Variants in DNAH3 observed in about 807,000 individuals in gnomAD.
DNAH3 encodes the protein axonemal beta dynein heavy chain 3.
A neutral mutation model predicts 432.5 loss-of-function variants in DNAH3; 332 were observed. The ratio of observed to expected loss-of-function variants is 0.77; its 90% CI spans 0.70 to 0.84. DNAH3 has a LOEUF of 0.84. Ranked by LOEUF, DNAH3 falls within the 40% of genes least tolerant of loss-of-function variation. The pLI is 0.00. For missense variants in DNAH3, 4,861 were observed against 5,114.0 expected (o/e 0.95, Z 1.51); for synonymous variants, 1,956 against 1,900.2 (o/e 1.03, Z -0.76).
rs776151875 is a variant in DNAH3 at position 20,963,784 on chromosome 16, TCAAA to T, written c.10096_10099del (p.Phe3366ArgfsTer11). The T allele has an allele frequency of 9.3e-6, 15 of 1,613,894 alleles. No homozygotes were observed. The highest frequency in any genetic ancestry group is 6.7e-5 in the African/African-American group (5 of 74,882). On this transcript the variant is annotated frameshift_variant, in exon 53 of 62. Coordinates refer to ENST00000261383, the Ensembl canonical transcript of DNAH3. LOFTEE classifies it high-confidence loss of function. The stretch of plus-strand genomic sequence containing the variant: ...GAGAGAGAAGAGTAGCTTGTCCTTC[TCAAA>T]CAGAGAACGGCACACGTTGTTGTAG...
chr16:21,152,828 T>G (rs1383914917), intron 1 of DNAH3, among the ~76,000 whole-genome samples: 4 of 152,256 alleles, frequency 2.6e-5, no homozygotes, highest in Non-Finnish European at 5.9e-5. Context: ...CTTAGCTGCC[T>G]TCCCGCGGGG....
exon 54 of DNAH3, chr16:20,959,204 G>A (rs866712566): frequency 3.1e-6 from 5 of 1,614,154 alleles, no homozygotes; most frequent in Non-Finnish European, 4.2e-6. Context: ...GTGCTCTCAG[G>A]AACAATCACC....
At chr16:21,081,224 G>A (rs1410006253) in intron 20 of DNAH3, among the ~76,000 whole-genome samples, 1 of 151,998 alleles carries the variant, frequency 6.6e-6, no homozygotes, top group Non-Finnish European at 1.5e-5. Context: ...CAGGCGAGAA[G>A]AGACTTCTTA....
chr16:21,019,461 A>G, intron 41 of DNAH3, 163 bp downstream of exon 41: 2 of 815,410 alleles, frequency 2.5e-6, no homozygotes, highest in Non-Finnish European at 3.8e-6. Context: ...CAACCAGCCA[A>G]TGATGATATT....
intron 5 of DNAH3, among the ~76,000 whole-genome samples, chr16:21,137,971 G>C (rs1337758947): frequency 6.6e-6 from 1 of 152,104 alleles, no homozygotes; most frequent in Non-Finnish European, 1.5e-5. Context: ...TTGCTGGCCA[G>C]GCACGGTGGC....
intron 57 of DNAH3, among the ~76,000 whole-genome samples, chr16:20,946,379 A>G (rs1373023434): frequency 6.6e-6 from 1 of 152,144 alleles, no homozygotes. Flanking sequence ...GACTGAACCA[A>G]TGGATATCCT....
chr16:21,030,995 AAG>A (rs778560705), intron 37 of DNAH3, 48 bp downstream of exon 37: 1 of 1,594,210 alleles, frequency 6.3e-7, no homozygotes, highest in South Asian at 1.1e-5. Context: ...ACTTCAATAA[AAG>A]AGTTTATGTC....
intron 11 of DNAH3, among the ~76,000 whole-genome samples, chr16:21,117,852 T>C (rs1178894766): frequency 6.6e-6 from 1 of 152,184 alleles, no homozygotes; most frequent in Non-Finnish European, 1.5e-5. Context: ...ATGAATACTA[T>C]CGTAGTGCTC....
exon 32 of DNAH3, chr16:21,042,147 A>G: frequency 1.2e-6 from 2 of 1,612,984 alleles, no homozygotes; most frequent in South Asian, 2.2e-5. Flanking sequence ...TTAGCTTCCG[A>G]ATGATGGCTT....
chr16:21,097,441 T>A, exon 18 of DNAH3: 1 of 1,614,022 alleles, frequency 6.2e-7, no homozygotes, highest in Non-Finnish European at 8.5e-7. Flanking sequence ...CAGCATGGCC[T>A]GCAGAAGAGG....
chr16:20,951,079 G>T (rs1275610241), intron 56 of DNAH3, among the ~76,000 whole-genome samples: 2 of 152,128 alleles, frequency 1.3e-5, no homozygotes, highest in South Asian at 4.1e-4. Flanking sequence ...CTCCAAAAGT[G>T]CTGGGATTAC....
At chr16:20,987,897 G>A in intron 45 of DNAH3, 45 bp downstream of exon 45, 15 of 1,614,014 alleles carry the variant, frequency 9.3e-6, no homozygotes, top group Non-Finnish European at 1.3e-5. Context: ...GCCAGAAACT[G>A]AGAACCCCCA....
intron 23 of DNAH3, 126 bp from the exon 24 acceptor site, chr16:21,067,545 C>A: frequency 1.1e-6 from 1 of 941,882 alleles, no homozygotes. Flanking sequence ...TCCTGATCCC[C>A]CTCCTAACTG....
chr16:21,132,126 T>C (rs1398721183), intron 7 of DNAH3, among the ~76,000 whole-genome samples: 1 of 152,198 alleles, frequency 6.6e-6, no homozygotes, highest in African/African-American at 2.4e-5. Flanking sequence ...ATACAGCTAT[T>C]TCTTTTCACT....
chr16:21,108,979 C>T (rs28728205), intron 14 of DNAH3, among the ~76,000 whole-genome samples: 37,009 of 151,422 alleles, frequency 0.24, 4,619 homozygotes, highest in East Asian at 0.31. Flanking sequence ...AAACATTAGC[C>T]GGGTGTGGTG....
Position 21,149,894 on chromosome 16 carries a change from A to G in DNAH3, c.118-3806T>C, listed in dbSNP as rs548857573. ...TCAGTCAAGGGCATCTAACATGCCA[A>G]TTGGCCCTCTTCCCACATATTCCCA... On this transcript the variant is annotated intron_variant, in intron 1 of 61. Coordinates refer to ENST00000261383, the Ensembl canonical transcript of DNAH3. Among the ~76,000 whole-genome samples the G allele has an allele frequency of 5.9e-4, 90 of 152,316 alleles. 1 individual carries two copies. The highest frequency in any genetic ancestry group is 1.9e-3 in the African/African-American group (81 of 41,578).
chr16:20,975,520 T>G, intron 50 of DNAH3, 105 bp from the exon 51 acceptor site: 1 of 1,094,462 alleles, frequency 9.1e-7, no homozygotes, highest in Non-Finnish European at 1.3e-6. Flanking sequence ...AGAAAATATG[T>G]ACTAATGATT....
intron 1 of DNAH3, among the ~76,000 whole-genome samples, chr16:21,155,287 C>T (rs572617138): frequency 2.0e-5 from 3 of 151,844 alleles, no homozygotes; most frequent in Non-Finnish European, 2.9e-5. Flanking sequence ...ACAGAAGGTG[C>T]CCAGTTAAAT....
At chr16:20,949,130 T>C (rs428863) in intron 56 of DNAH3, among the ~76,000 whole-genome samples, 78,387 of 151,606 alleles carry the variant, frequency 0.52, 20,426 homozygotes, top group South Asian at 0.62. Context: ...GACAAGAGCT[T>C]GGGTGCCATG....
Sources: allele counts gnomAD v4.1 joint callset (sites outside exome capture counted in the v4.1 genomes callset), GRCh38; gene constraint gnomAD v4.1.1; transcripts MANE v1.5; gene names NCBI Gene and HGNC (gene_info 2026-07-23, HGNC 2026-07-21).